HIVEP3: variants seen among roughly 807,000 people sequenced by gnomAD.
The protein encoded by HIVEP3 is transcription factor HIVEP3.
HIVEP3 carries 49 observed loss-of-function variants against 152.8 expected under a neutral mutation model. That is an observed-to-expected ratio of 0.32 (90% CI 0.26 to 0.41). The LOEUF (loss-of-function observed/expected upper bound fraction) is 0.41, where lower values mean the gene tolerates loss of function less well. HIVEP3 is among the 10% of genes least tolerant of loss of function. The probability of loss-of-function intolerance (pLI) is 1.00; values close to 1 mark genes in which losing one functional copy is unlikely to be tolerated. For synonymous variants in HIVEP3, 1,269 were observed against 1,289.0 expected (o/e 0.98, Z 0.33); for missense variants, 2,790 against 3,103.3 (o/e 0.90, Z 2.40).
intron 2 of HIVEP3, among the ~76,000 whole-genome samples, chr1:41,680,243 A>T (rs946919571): frequency 6.6e-6 from 1 of 152,110 alleles, no homozygotes; most frequent in Non-Finnish European, 1.5e-5. Flanking sequence ...AGCAGCTGAG[A>T]CCCCTGGGCT....
chr1:41,515,143 G>A (rs1642567858), intron 7 of HIVEP3, among the ~76,000 whole-genome samples: 3 of 152,274 alleles, frequency 2.0e-5, no homozygotes, highest in African/African-American at 7.2e-5. Context: ...ACACATATCA[G>A]TACTGCACCC....
At chr1:41,777,932 A>ACGG (rs1648812262) in intron 1 of HIVEP3, among the ~76,000 whole-genome samples, 5 of 152,328 alleles carry the variant, frequency 3.3e-5, no homozygotes, top group Admixed American at 3.3e-4. Context: ...TGCTTCACGC[A>ACGG]TGGTGTGGTG....
intron 1 of HIVEP3, among the ~76,000 whole-genome samples, chr1:41,779,114 C>G (rs1356888103): frequency 6.6e-6 from 1 of 152,236 alleles, no homozygotes; most frequent in Non-Finnish European, 1.5e-5. Context: ...GCCCTCCAAC[C>G]CAAGATGGTG....
At chr1:42,023,440 C>T (rs1474238686) in intron 1 of HIVEP3, among the ~76,000 whole-genome samples, 1 of 152,126 alleles carries the variant, frequency 6.6e-6, no homozygotes, top group Non-Finnish European at 1.5e-5. Context: ...CTTTTAAAAG[C>T]CCATTGATAT....
chr1:41,998,586 G>A (rs1645408492), intron 1 of HIVEP3, among the ~76,000 whole-genome samples: 2 of 152,126 alleles, frequency 1.3e-5, no homozygotes, highest in African/African-American at 4.8e-5. Flanking sequence ...AATACCTTGT[G>A]TATGGCTTAG....
intron 1 of HIVEP3, among the ~76,000 whole-genome samples, chr1:41,787,047 C>T (rs534734605): frequency 1.3e-5 from 2 of 152,084 alleles, no homozygotes; most frequent in Admixed American, 6.5e-5. Context: ...CTACCACACC[C>T]GGCCTACATA....
At chr1:41,749,404 T>TTGTGTGTGTGTGTGTGTG (rs3064239) in intron 1 of HIVEP3, among the ~76,000 whole-genome samples, 10,569 of 140,502 alleles carry the variant, frequency 0.075, 595 homozygotes, top group African/African-American at 0.11. Flanking sequence ...TTAGAAAAAA[T>TTGTGTGTGTGTGTGTGTG]TGTGTGTGTG....
chr1:41,807,446 A>C (rs1650700687), intron 1 of HIVEP3, among the ~76,000 whole-genome samples: 1 of 152,322 alleles, frequency 6.6e-6, no homozygotes, highest in South Asian at 2.1e-4. Flanking sequence ...AGAGAGAGAC[A>C]GAGGGAGTGA....
At chr1:41,906,449 T>C (rs1644711842) in intron 1 of HIVEP3, among the ~76,000 whole-genome samples, 1 of 152,132 alleles carries the variant, frequency 6.6e-6, no homozygotes, top group South Asian at 2.1e-4. Context: ...AAAGGGTGCA[T>C]ATTTTATGAT....
intron 1 of HIVEP3, among the ~76,000 whole-genome samples, chr1:41,734,693 C>A (rs181662686): frequency 6.6e-6 from 1 of 152,216 alleles, no homozygotes; most frequent in East Asian, 1.9e-4. Flanking sequence ...GTGGGTTGGG[C>A]AGTAGGAAGT....
chr1:41,517,578 C>CT (rs1491577596), intron 7 of HIVEP3, among the ~76,000 whole-genome samples: 1 of 125,812 alleles, frequency 7.9e-6, no homozygotes, highest in East Asian at 1.9e-4. Context: ...CTGTCACACT[C>CT]TAAGTCCTGG....
intron 1 of HIVEP3, among the ~76,000 whole-genome samples, chr1:41,905,402 T>C (rs776513280): frequency 6.6e-6 from 1 of 152,134 alleles, no homozygotes; most frequent in Admixed American, 6.5e-5. Flanking sequence ...GAGCAGTTGA[T>C]GGAGACAGTT....
intron 5 of HIVEP3, among the ~76,000 whole-genome samples, chr1:41,555,043 C>T (rs971911985): frequency 5.3e-5 from 8 of 152,198 alleles, no homozygotes; most frequent in Admixed American, 1.3e-4. Context: ...CAGACAGGGA[C>T]GCTTAAGTCT....
chr1:41,698,682 G>A (rs1010308428), intron 2 of HIVEP3, among the ~76,000 whole-genome samples: 1 of 152,028 alleles, frequency 6.6e-6, no homozygotes, highest in African/African-American at 2.4e-5. Context: ...TTTCTCCACT[G>A]GGGCCCCATG....
rs745520758 is a variant in HIVEP3 at position 41,584,614 on chromosome 1, G to T, written c.184C>A (p.Pro62Thr). The T allele has an allele frequency of 1.2e-6, 2 of 1,610,880 alleles. No homozygotes were observed. Among genetic ancestry groups the T allele is most frequent in the African/African-American group, 1.3e-5 (1 of 74,952 alleles). ...GAGCCTTCCCTAAGAACTGATGAGG[G>T]GCCCGGGAAGGGCTGCGGGGCTAAG... ...ELLAPQPFPGPSSVLREGSQE... is the reference protein window; with the variant it reads ...ELLAPQPFPGTSSVLREGSQE... Residue 62 changes from proline to threonine, a missense_variant, in exon 4 of 9, where the codon CCC becomes ACC. This residue lies in a region of HIVEP3 where 209 missense variants were observed against 237.0 expected (regional missense o/e 0.88). Transcript: ENST00000372583. The surrounding 1 kb of genome is among the most constrained non-coding windows in gnomAD (Gnocchi z 5.2).
intron 2 of HIVEP3, among the ~76,000 whole-genome samples, chr1:41,667,237 A>C (rs1224321995): frequency 6.6e-6 from 1 of 152,238 alleles, no homozygotes; most frequent in Non-Finnish European, 1.5e-5. Context: ...GAGCATGCTG[A>C]ACTGTTAACA....
At chr1:42,020,211 G>C (rs1316844342) in intron 1 of HIVEP3, among the ~76,000 whole-genome samples, 1 of 151,840 alleles carries the variant, frequency 6.6e-6, no homozygotes, top group Non-Finnish European at 1.5e-5. Context: ...TTTTTCTTGA[G>C]AATGAGCTGG....
chr1:41,735,246 G>T (rs896948931), intron 1 of HIVEP3, among the ~76,000 whole-genome samples: 5 of 152,328 alleles, frequency 3.3e-5, no homozygotes, highest in African/African-American at 9.6e-5. Flanking sequence ...AGTGCCTGCT[G>T]TTTGGGAGAT....
At chr1:41,545,108 CACCACCACT>C (rs1643711780) in intron 5 of HIVEP3, among the ~76,000 whole-genome samples, 1 of 140,944 alleles carries the variant, frequency 7.1e-6, no homozygotes, top group Non-Finnish European at 1.5e-5. Context: ...CCATCACCAC[CACCACCACT>C]ACCATCATCA....
Sources: gnomAD v4.1 joint callset for allele counts (sites outside exome capture counted in the v4.1 genomes callset) on GRCh38, gnomAD v4.1.1 for gene constraint, gnomAD v4.1.1 regional missense constraint, Gnocchi (gnomAD v3.1) non-coding constraint, MANE v1.5 for transcripts, NCBI Gene and HGNC (gene_info 2026-07-23, HGNC 2026-07-21) for gene names.